The following ELMO2 variants were observed in gnomAD, a reference collection of about 807,000 sequenced individuals.
The protein encoded by ELMO2 is engulfment and cell motility protein 2.
Under a neutral mutation model 96.2 loss-of-function variants are expected in ELMO2, and 37 were observed. The ratio of observed to expected loss-of-function variants is 0.38; its 90% CI spans 0.30 to 0.51. The LOEUF is 0.51. Among genes scored for constraint, ELMO2 ranks in the 20% least tolerant of loss-of-function variants. The pLI is 0.88. For missense variants in ELMO2, 561 were observed against 912.6 expected (o/e 0.61, Z 4.96); for synonymous variants, 315 against 329.4 (o/e 0.96, Z 0.47).
Position 46,368,961 on chromosome 20 carries a change from A to C in ELMO2, c.1892T>G (p.Leu631Trp), listed in dbSNP as rs1193707713. ...ATACAGGATGGAGAAGGCCAATTCC[A>C]ACACCTCCTGAAGGAGAAAGGGTTT... ...KSALKQNKEVLELAFSILYDP... is the reference protein window; with the variant it reads ...KSALKQNKEVWELAFSILYDP... Residue 631 changes from leucine to tryptophan, a missense_variant, in exon 21 of 22, where the codon TTG becomes TGG. Leu to Trp is a moderately conservative substitution (Grantham distance 61, BLOSUM62 -2). Transcript: ENST00000290246. 6 of 1,614,056 alleles carry C rather than the reference A, an allele frequency of 3.7e-6. No individual in the cohort carries two copies. Among genetic ancestry groups the C allele is most frequent in the Non-Finnish European group, 8.5e-7 (1 of 1,180,028 alleles).
rs377490247 is a variant in ELMO2, at chr20:46,375,375, G to A, written c.931-5C>T. ...AAATATGATGTCCCTTTGAGCCTGCGAGGTGAAACAGACAGTCAGCAGGTG... is the reference window on the plus strand; with the variant it reads ...AAATATGATGTCCCTTTGAGCCTGCAAGGTGAAACAGACAGTCAGCAGGTG... On this transcript the variant is annotated splice_polypyrimidine_tract_variant and splice_region_variant and intron_variant, in intron 12 of 21. Coordinates refer to ENST00000290246, the MANE Select transcript of ELMO2 (RefSeq NM_133171.5). The surrounding 1 kb of genome is among the most constrained non-coding windows in gnomAD (Gnocchi z 4.6). 1.2e-4 allele frequency: 193 copies of A among 1,613,456 alleles called. No individual in the cohort carries two copies. Among genetic ancestry groups the A allele is most frequent in the Admixed American group, 3.2e-4 (19 of 59,986 alleles).
Position 46,373,432 on chromosome 20 carries a change from C to T in ELMO2, c.1383G>A (p.Lys461=). ...ICIQLLNKTW[K]EMRATAEDFN... ...AGTCCTCTGCTGTTGCCCTCATCTC[C>T]TTCCAGGTCTTGTTCAACAGCTGGA... The change falls in exon 16 of 22, where the codon AAG becomes AAA. Residue 461 remains lysine, a synonymous_variant. Coordinates refer to ENST00000290246, the MANE Select transcript of ELMO2 (RefSeq NM_133171.5). The T allele has an allele frequency of 6.2e-7, 1 of 1,614,238 alleles. No individual in the cohort carries two copies.
At chr20:46,377,956 T>C (rs2059893487) in intron 11 of ELMO2, among the ~76,000 whole-genome samples, 1 of 152,104 alleles carries the variant, frequency 6.6e-6, no homozygotes, top group South Asian at 2.1e-4. Flanking sequence ...TTTGCCTCAC[T>C]CTGAGGTTTT....
At chr20:46,383,731 GTAC>G (rs2059995987) in intron 9 of ELMO2, among the ~76,000 whole-genome samples, 2 of 152,152 alleles carry the variant, frequency 1.3e-5, no homozygotes, top group Admixed American at 1.3e-4. Context: ...TTTCATTAAA[GTAC>G]TACTTAAAAA....
intron 15 of ELMO2, among the ~76,000 whole-genome samples, chr20:46,374,085 T>C (rs1343135935): frequency 2.7e-5 from 4 of 147,500 alleles, no homozygotes; most frequent in Non-Finnish European, 6.0e-5. Context: ...CACTACCAGT[T>C]GGCTAATTTT....
At chr20:46,391,237 A>G (rs1230826217) in intron 6 of ELMO2, among the ~76,000 whole-genome samples, 5 of 152,172 alleles carry the variant, frequency 3.3e-5, no homozygotes, top group African/African-American at 1.2e-4. Context: ...TGGGAGGAAT[A>G]TGGGCCTAGA....
chr20:46,380,423 C>T (rs2059935369), intron 10 of ELMO2, 120 bp from the exon 11 acceptor site: 3 of 790,596 alleles, frequency 3.8e-6, no homozygotes, highest in Admixed American at 4.4e-5. Flanking sequence ...TTTTTTCCTC[C>T]CAAATGAAAA....
chr20:46,384,808 A>T lies in ELMO2; in HGVS notation c.678-1314T>A, dbSNP rs373389799. ...ACCCTGTCTCTACAAAAATAAAAAA[A>T]AAAAAAAAACTAGCCAGGTGTTGTG... On this transcript the variant is annotated intron_variant, in intron 9 of 21. Transcript: ENST00000290246. Among the ~76,000 whole-genome samples, 115 of 152,050 alleles carry T rather than the reference A, an allele frequency of 7.6e-4. 1 individual carries two copies. Among genetic ancestry groups the T allele is most frequent in the African/African-American group, 2.3e-3 (97 of 41,472 alleles).
intron 2 of ELMO2, among the ~76,000 whole-genome samples, chr20:46,398,078 G>A (rs1386267021): frequency 6.6e-6 from 1 of 152,092 alleles, no homozygotes; most frequent in Non-Finnish European, 1.5e-5. Context: ...CTGCCCCCAA[G>A]CTCTGCAGGA....
At chr20:46,399,802 G>C (rs1456643555) in intron 1 of ELMO2, among the ~76,000 whole-genome samples, 1 of 152,180 alleles carries the variant, frequency 6.6e-6, no homozygotes, top group African/African-American at 2.4e-5. Context: ...GGCATGAACT[G>C]TGCAGGCTGT....
intron 9 of ELMO2, among the ~76,000 whole-genome samples, chr20:46,384,268 C>T (rs574511263): frequency 7.9e-5 from 12 of 152,270 alleles, no homozygotes; most frequent in African/African-American, 2.9e-4. Context: ...AACAAAATAA[C>T]TACAATCATT....
chr20:46,368,110 C>G (rs1423536641), intron 21 of ELMO2, among the ~76,000 whole-genome samples: 1 of 152,182 alleles, frequency 6.6e-6, no homozygotes, highest in Non-Finnish European at 1.5e-5. Flanking sequence ...GCTTCCTCTG[C>G]TGCCATTTTC....
At chr20:46,405,461 C>T (rs1396150245) in intron 1 of ELMO2, among the ~76,000 whole-genome samples, 2 of 152,258 alleles carry the variant, frequency 1.3e-5, no homozygotes, top group South Asian at 2.1e-4. Context: ...ACTGAGCAAG[C>T]GGACGGACGA....
chr20:46,382,114 G>C (rs2059966848), intron 10 of ELMO2: 2 of 1,157,122 alleles, frequency 1.7e-6, no homozygotes, highest in African/African-American at 1.6e-5. Flanking sequence ...GGCATGCCCT[G>C]AACATCTAGA....
chr20:46,404,423 G>A (rs904364867), intron 1 of ELMO2, among the ~76,000 whole-genome samples: 11 of 152,180 alleles, frequency 7.2e-5, no homozygotes, highest in Non-Finnish European at 1.6e-4. Context: ...ACCTCCTAGA[G>A]TCCACATCAG....
At position 46,371,773 on chromosome 20, in the gene ELMO2, T is replaced by TC. The variant is rs762231531; in HGVS notation, c.1580+32dup. On this transcript the variant is annotated intron_variant, in intron 17 of 21. Coordinates refer to ENST00000290246, the MANE Select transcript of ELMO2 (RefSeq NM_133171.5). The surrounding 1 kb of genome is among the most constrained non-coding windows in gnomAD (Gnocchi z 5.9). ...AAGGAAAGCAGAGCTGGCAGCCACC[T>TC]CCCCCGCCAGCCTCCCCTGAGATGG... 13 of 1,613,410 alleles carry TC rather than the reference T, an allele frequency of 8.1e-6. No individual in the cohort carries two copies. Among genetic ancestry groups the TC allele is most frequent in the Middle Eastern group, 1.6e-4 (1 of 6,080 alleles).
intron 6 of ELMO2, 136 bp downstream of exon 6, chr20:46,392,957 T>C: frequency 1.3e-6 from 1 of 750,888 alleles, no homozygotes; most frequent in Non-Finnish European, 2.2e-6. Context: ...CTTATTTTCC[T>C]GTACTATTTC....
Position 46,375,776 on chromosome 20 carries a change from C to A in ELMO2, c.822G>T (p.Gly274=). ...CCATCTCAGTTTTGATGGGGCGGTT[C>A]CCTCGGATCACATGCTAGAAAAAGC... ...RSIILNHVIR[G]NRPIKTEMAH... Residue 274 remains glycine (G), a synonymous_variant, in exon 12 of 22, where the codon GGG becomes GGT. Transcript: ENST00000290246. This position sits in a 1 kb window ranked among gnomAD's most constrained non-coding sequence, Gnocchi z 4.6. 6.2e-7 allele frequency: 1 copy of A among 1,614,138 alleles called. No individual in the cohort carries two copies.
At chr20:46,373,226 G>T in intron 16 of ELMO2, 173 bp downstream of exon 16, 1 of 787,658 alleles carries the variant, frequency 1.3e-6, no homozygotes, top group Non-Finnish European at 2.0e-6. Context: ...AGGTCACAGA[G>T]GGAGCAACAA....
Sources: allele counts gnomAD v4.1 joint callset (sites outside exome capture counted in the v4.1 genomes callset), GRCh38; gene constraint gnomAD v4.1.1; non-coding constraint Gnocchi (gnomAD v3.1); transcripts MANE v1.5; gene names NCBI Gene and HGNC (gene_info 2026-07-23, HGNC 2026-07-21).